The following NRXN3 variants were observed in gnomAD, a reference collection of about 807,000 sequenced individuals.
The protein encoded by NRXN3 is neurexin 3, also known as neurexin III.
Under a neutral mutation model 137.6 loss-of-function variants are expected in NRXN3, and 32 were observed. That is an observed-to-expected ratio of 0.23 (90% confidence interval 0.18 to 0.31). The LOEUF is 0.31. Ranked by LOEUF, NRXN3 falls within the 10% of genes least tolerant of loss-of-function variation. The pLI is 1.00. For missense variants in NRXN3, 1,574 were observed against 2,062.5 expected (o/e 0.76, Z 4.59); for synonymous variants, 798 against 784.5 (o/e 1.02, Z -0.29).
chr14:79,076,776 G>T (rs2046048913), intron 15 of NRXN3, among the ~76,000 whole-genome samples: 1 of 152,174 alleles, frequency 6.6e-6, no homozygotes, highest in Non-Finnish European at 1.5e-5. Flanking sequence ...GCCTTACACA[G>T]GTGTAAAAAG....
At position 78,864,102 on chromosome 14, in the gene NRXN3, T is replaced by A. The variant is rs147840710; in HGVS notation, c.2275+53758T>A. Reference sequence around the variant, plus strand: ...ATCTCTTCCTTTCTGACTGGAAGACTCAAAATACATTTAGAGAGTTGGAGC... The same window carrying A: ...ATCTCTTCCTTTCTGACTGGAAGACACAAAATACATTTAGAGAGTTGGAGC... On this transcript the variant is annotated intron_variant, in intron 10 of 20. Transcript: ENST00000335750. 1.0e-3 allele frequency among the ~76,000 whole-genome samples: 154 copies of A among 152,302 alleles called. 2 individuals carry two copies. Among genetic ancestry groups the A allele is most frequent in the African/African-American group, 3.3e-3 (139 of 41,558 alleles).
At chr14:79,799,861 T>G (rs1490807767) in intron 19 of NRXN3, among the ~76,000 whole-genome samples, 1 of 152,204 alleles carries the variant, frequency 6.6e-6, no homozygotes, top group Non-Finnish European at 1.5e-5. Context: ...CATCAGACTG[T>G]GAATTCCCAG....
At chr14:79,160,890 G>T (rs376343008) in intron 15 of NRXN3, among the ~76,000 whole-genome samples, 81 of 151,998 alleles carry the variant, frequency 5.3e-4, no homozygotes, top group Middle Eastern at 3.4e-3. Context: ...TTCAACCAGA[G>T]ATAATTAATT....
intron 6 of NRXN3, among the ~76,000 whole-genome samples, chr14:78,653,757 G>A (rs896965687): frequency 2.5e-4 from 31 of 126,484 alleles, no homozygotes; most frequent in Middle Eastern, 4.0e-3. Context: ...TTGCTGCCCA[G>A]ATAGAGAGCA....
intron 15 of NRXN3, among the ~76,000 whole-genome samples, chr14:79,096,406 G>A (rs907155936): frequency 3.9e-5 from 6 of 152,120 alleles, no homozygotes; most frequent in South Asian, 2.1e-4. Context: ...CACCGTGCCC[G>A]GCTTCCGCCT....
chr14:79,281,240 A>G (rs1161029532), intron 15 of NRXN3, among the ~76,000 whole-genome samples: 2 of 152,230 alleles, frequency 1.3e-5, no homozygotes, highest in Non-Finnish European at 2.9e-5. Context: ...ACCCAAGTGT[A>G]AATGACAGTA....
chr14:78,348,743 C>T (rs990147357), intron 4 of NRXN3, among the ~76,000 whole-genome samples: 7 of 152,126 alleles, frequency 4.6e-5, no homozygotes, highest in East Asian at 1.9e-4. Flanking sequence ...ACTCTGGGGG[C>T]GGAATCCACC....
chr14:79,308,489 G>T (rs1411313447), intron 15 of NRXN3, among the ~76,000 whole-genome samples: 1 of 152,022 alleles, frequency 6.6e-6, no homozygotes, highest in Non-Finnish European at 1.5e-5. Flanking sequence ...ACTTGCATAT[G>T]GTATTCTCCT....
At chr14:79,490,747 T>C (rs1462263811) in intron 16 of NRXN3, among the ~76,000 whole-genome samples, 2 of 152,136 alleles carry the variant, frequency 1.3e-5, no homozygotes, top group East Asian at 3.9e-4. Flanking sequence ...ATAAAACTTA[T>C]CTGGTAGCAC....
At chr14:79,612,762 G>T (rs221515) in intron 16 of NRXN3, among the ~76,000 whole-genome samples, 2 of 152,080 alleles carry the variant, frequency 1.3e-5, no homozygotes. Flanking sequence ...GAGGTGGATC[G>T]CTTGAGCCAG....
chr14:78,477,674 T>C (rs951775834), intron 4 of NRXN3, among the ~76,000 whole-genome samples: 4 of 152,228 alleles, frequency 2.6e-5, no homozygotes, highest in Non-Finnish European at 4.4e-5. Flanking sequence ...TAAAATTGAA[T>C]TTCAAGATTT....
intron 4 of NRXN3, among the ~76,000 whole-genome samples, chr14:78,569,880 G>A (rs1426463305): frequency 1.3e-5 from 2 of 152,196 alleles, no homozygotes; most frequent in African/African-American, 2.4e-5. Flanking sequence ...GAGTAGCTGC[G>A]ACTACGGGCT....
intron 4 of NRXN3, among the ~76,000 whole-genome samples, chr14:78,548,236 T>A (rs1302708929): frequency 7.1e-6 from 1 of 141,142 alleles, no homozygotes; most frequent in Non-Finnish European, 1.6e-5. Context: ...ACAGAATGAA[T>A]AAGATACTTT....
intron 15 of NRXN3, among the ~76,000 whole-genome samples, chr14:79,007,382 C>T (rs2099555172): frequency 6.6e-6 from 1 of 151,166 alleles, no homozygotes; most frequent in South Asian, 2.1e-4. Flanking sequence ...AGAGAAGCCT[C>T]ATGTGTAGTG....
At chr14:78,272,777 A>G (rs57540516) in intron 2 of NRXN3, among the ~76,000 whole-genome samples, 8,665 of 152,216 alleles carry the variant, frequency 0.057, 741 homozygotes, top group African/African-American at 0.19. Context: ...ATCATAGTGC[A>G]ACCTCTCTAG....
intron 4 of NRXN3, among the ~76,000 whole-genome samples, chr14:78,435,806 G>A (rs548246596): frequency 6.6e-5 from 10 of 152,288 alleles, no homozygotes; most frequent in African/African-American, 2.4e-4. Flanking sequence ...AGTGCCCAAG[G>A]CACAACATCA....
At chr14:78,445,727 A>C (rs1437824498) in intron 4 of NRXN3, among the ~76,000 whole-genome samples, 1 of 152,232 alleles carries the variant, frequency 6.6e-6, no homozygotes, top group Non-Finnish European at 1.5e-5. Flanking sequence ...AAATGAATGC[A>C]TCCAAATGCT....
intron 16 of NRXN3, among the ~76,000 whole-genome samples, chr14:79,471,203 C>T (rs2096502631): frequency 6.6e-6 from 1 of 152,104 alleles, no homozygotes; most frequent in African/African-American, 2.4e-5. Flanking sequence ...AGCACCCACT[C>T]TAGAATAGCC....
At chr14:79,651,924 T>C (rs1045454825) in intron 16 of NRXN3, among the ~76,000 whole-genome samples, 1 of 152,178 alleles carries the variant, frequency 6.6e-6, no homozygotes, top group Non-Finnish European at 1.5e-5. Context: ...CTGGAATCCA[T>C]AGTTTGTTTT....
Sources: gnomAD v4.1 joint callset for allele counts (sites outside exome capture counted in the v4.1 genomes callset) on GRCh38, gnomAD v4.1.1 for gene constraint, MANE v1.5 for transcripts, NCBI Gene and HGNC (gene_info 2026-07-23, HGNC 2026-07-21) for gene names.